The following TENM2 variants were observed in gnomAD, a reference collection of about 807,000 sequenced individuals.
The protein encoded by TENM2 is teneurin-2.
TENM2 carries 52 observed loss-of-function variants against 245.2 expected under a neutral mutation model. The observed-to-expected ratio is 0.21, with a 90% CI of 0.17 to 0.27. The LOEUF is 0.27. TENM2 is among the 10% of genes least tolerant of loss of function. The pLI is 1.00. For synonymous variants in TENM2, 1,363 were observed against 1,438.9 expected, an observed-to-expected ratio of 0.95 and a Z score of 1.19; for missense variants, 3,046 against 3,666.8, an observed-to-expected ratio of 0.83 and a Z score of 4.37.
At chr5:167,130,905 T>C in the TENM2 span, among the ~76,000 whole-genome samples, 1 of 148,694 alleles carries the variant, frequency 6.7e-6, no homozygotes, top group African/African-American at 2.5e-5. Flanking sequence ...TTTTTTTTTT[T>C]TTTTTTTAAA....
At chr5:168,198,220 G>A (rs1761627849) in intron 15 of TENM2, among the ~76,000 whole-genome samples, 2 of 112,798 alleles carry the variant, frequency 1.8e-5, no homozygotes, top group Admixed American at 2.4e-4. Flanking sequence ...TTTTGAGACA[G>A]AGTCTCACTC....
At chr5:168,239,822 C>A (rs1765926998) in intron 25 of TENM2, among the ~76,000 whole-genome samples, 1 of 152,094 alleles carries the variant, frequency 6.6e-6, no homozygotes, top group Non-Finnish European at 1.5e-5. Context: ...ATGTGATTTT[C>A]CCATTGGTCT....
intron 2 of TENM2, among the ~76,000 whole-genome samples, chr5:167,605,495 T>C (rs969998913): frequency 7.9e-5 from 12 of 152,294 alleles, no homozygotes; most frequent in Middle Eastern, 3.4e-3. Context: ...AATATAGTCT[T>C]AGGTCCCCAG....
the TENM2 span, among the ~76,000 whole-genome samples, chr5:167,003,919 C>T: frequency 6.6e-6 from 1 of 152,222 alleles, no homozygotes; most frequent in South Asian, 2.1e-4. Flanking sequence ...ACTCAACTCT[C>T]AGTTATAGGC....
intron 2 of TENM2, among the ~76,000 whole-genome samples, chr5:167,562,829 C>A (rs773441922): frequency 3.8e-4 from 58 of 151,944 alleles, no homozygotes; most frequent in African/African-American, 1.4e-3. Context: ...TGTTGGCAGG[C>A]GCCTGTAGTC....
chr5:167,515,681 T>TATATACGTATATATGTATA, intron 2 of TENM2, among the ~76,000 whole-genome samples: 1 of 36,322 alleles, frequency 2.8e-5, no homozygotes. Context: ...GTATATATAT[T>TATATACGTATATATGTATA]TTGAGAGGGA....
At chr5:167,243,021 G>A in the TENM2 span, among the ~76,000 whole-genome samples, 1 of 151,876 alleles carries the variant, frequency 6.6e-6, no homozygotes, top group Non-Finnish European at 1.5e-5. Context: ...GCTGGGACAT[G>A]TTGAGGTTTT....
intron 1 of TENM2, among the ~76,000 whole-genome samples, chr5:167,362,755 T>C (rs1173564327): frequency 2.0e-5 from 3 of 152,212 alleles, no homozygotes; most frequent in Non-Finnish European, 4.4e-5. Flanking sequence ...TATCTAAATA[T>C]ATGCAGCTTA....
At chr5:167,516,473 G>T (rs974172383) in intron 2 of TENM2, among the ~76,000 whole-genome samples, 4 of 152,108 alleles carry the variant, frequency 2.6e-5, no homozygotes, top group African/African-American at 9.7e-5. Context: ...GCACCTAGAA[G>T]AATTGTAGCT....
At chr5:167,368,441 T>C (rs1229504445) in intron 1 of TENM2, among the ~76,000 whole-genome samples, 1 of 152,160 alleles carries the variant, frequency 6.6e-6, no homozygotes, top group Non-Finnish European at 1.5e-5. Context: ...TTCCAAAAAA[T>C]ACTTGATGAG....
At chr5:167,874,223 T>A (rs370057928) in intron 2 of TENM2, among the ~76,000 whole-genome samples, 7 of 152,216 alleles carry the variant, frequency 4.6e-5, no homozygotes, top group Admixed American at 3.9e-4. Context: ...GGCACTGAAA[T>A]GACACATTTA....
intron 2 of TENM2, among the ~76,000 whole-genome samples, chr5:167,567,051 AT>A (rs1773952921): frequency 9.5e-6 from 1 of 105,290 alleles, no homozygotes; most frequent in Non-Finnish European, 2.5e-5. Flanking sequence ...TATAATTATA[AT>A]AAGCCAATAA....
intron 2 of TENM2, among the ~76,000 whole-genome samples, chr5:167,543,226 C>T (rs529619306): frequency 2.2e-4 from 34 of 152,272 alleles, no homozygotes; most frequent in Non-Finnish European, 3.7e-4. Context: ...CTTCCTCAAA[C>T]GGTGGTACCA....
At chr5:167,909,669 A>T (rs2151569863) in intron 3 of TENM2, among the ~76,000 whole-genome samples, 1 of 152,358 alleles carries the variant, frequency 6.6e-6, no homozygotes, top group Non-Finnish European at 1.5e-5. Flanking sequence ...GTAAAAACAG[A>T]CAAAGAGTTA....
Position 168,158,829 on chromosome 5 carries a change from GTA to G in TENM2, c.2423-3761_2423-3760del, listed in dbSNP as rs780328417. Among the ~76,000 whole-genome samples the G allele has an allele frequency of 1.3e-3, 86 of 63,728 alleles. No homozygotes were observed. The South Asian group carries it at 0.016, about 12-fold the overall frequency. The allele number at this position is 63,728 out of a possible 152,430, so 41.8% of individuals were successfully genotyped here. A position where few individuals can be genotyped will look rare whatever the true frequency, so the allele number is the denominator to read the frequency against. Reference sequence around the variant, plus strand: ...AAAATGTGTGTGTGTGTGTGTGTGTGTATATATATATATATATATATACACAC... The same window carrying G: ...AAAATGTGTGTGTGTGTGTGTGTGTGTATATATATATATATATATACACAC... On this transcript the variant is annotated intron_variant, in intron 12 of 28. Coordinates refer to ENST00000518659, the Ensembl canonical transcript of TENM2.
intron 2 of TENM2, among the ~76,000 whole-genome samples, chr5:167,576,540 C>CTA (rs1774702600): frequency 6.6e-6 from 1 of 152,110 alleles, no homozygotes; most frequent in African/African-American, 2.4e-5. Flanking sequence ...TCTTTAGTCC[C>CTA]TATATATAAT....
At chr5:166,981,529 G>C in the TENM2 span, among the ~76,000 whole-genome samples, 1 of 152,048 alleles carries the variant, frequency 6.6e-6, no homozygotes, top group African/African-American at 2.4e-5. Context: ...TATACCCCAT[G>C]CTGGGCAGCT....
chr5:168,175,971 C>A (rs1759321130), intron 13 of TENM2, among the ~76,000 whole-genome samples: 2 of 152,232 alleles, frequency 1.3e-5, no homozygotes, highest in Non-Finnish European at 2.9e-5. Flanking sequence ...GCCAGGGAGG[C>A]CATTGCATAG....
At chr5:168,180,693 C>T (rs951690817) in intron 13 of TENM2, among the ~76,000 whole-genome samples, 4 of 152,070 alleles carry the variant, frequency 2.6e-5, no homozygotes, top group Non-Finnish European at 5.9e-5. Flanking sequence ...GTCAGGAGTT[C>T]GAGACCAGCC....
Sources: allele counts gnomAD v4.1 joint callset (sites outside exome capture counted in the v4.1 genomes callset), GRCh38; gene constraint gnomAD v4.1.1; transcripts MANE v1.5; gene names NCBI Gene and HGNC (gene_info 2026-07-23, HGNC 2026-07-21).